Variants in ITGA4 observed in about 807,000 individuals in gnomAD.
ITGA4 encodes integrin subunit alpha 4.
ITGA4 carries 63 observed loss-of-function variants against 133.6 expected under a neutral mutation model. That is an observed-to-expected ratio of 0.47 (90% CI 0.38 to 0.58). The LOEUF (loss-of-function observed/expected upper bound fraction) is 0.58, where lower values mean the gene tolerates loss of function less well. Ranked by LOEUF, ITGA4 falls within the 20% of genes least tolerant of loss-of-function variation. The probability of loss-of-function intolerance (pLI) is 0.00; values close to 1 mark genes in which losing one functional copy is unlikely to be tolerated. For missense variants in ITGA4, 1,076 were observed against 1,252.7 expected (o/e 0.86, Z 2.13); for synonymous variants, 483 against 438.0 (o/e 1.10, Z -1.28).
At position 181,523,491 on chromosome 2, in the gene ITGA4, G is replaced by A; in HGVS notation, c.2128G>A (p.Asp710Asn). 6.2e-7 allele frequency: 1 copy of A among 1,608,988 alleles called. No individual in the cohort carries two copies. The highest frequency in any genetic ancestry group is 8.5e-7 in the Non-Finnish European group (1 of 1,175,648). ...AGATAACTCTGGCGTGGTACAACTT[G>A]ACTGCAGTATTGGCTATATATATGT... The part of the protein sequence containing the change: ...VTDNSGVVQL[D>N]CSIGYIYVDH... Residue 710 changes from aspartate to asparagine, a missense_variant, in exon 19 of 28, where the codon GAC (aspartate) becomes AAC (asparagine). Physicochemically the swap from Asp to Asn is conservative, Grantham distance 23 (BLOSUM62 1). Transcript: ENST00000397033. This position sits in a 1 kb window ranked among gnomAD's most constrained non-coding sequence, Gnocchi z 4.2.
At chr2:181,494,667 C>T (rs999992726) in intron 11 of ITGA4, 55 bp from the exon 12 acceptor site, 67 of 881,848 alleles carry the variant, frequency 7.6e-5, no homozygotes, top group Admixed American at 2.2e-4. Context: ...ATCATTGCTT[C>T]TCTGGTATAT....
At chr2:181,524,520 A>C (rs1686793802) in intron 20 of ITGA4, among the ~76,000 whole-genome samples, 1 of 152,234 alleles carries the variant, frequency 6.6e-6, no homozygotes, top group South Asian at 2.1e-4. Flanking sequence ...AAAACAGAAT[A>C]AACAGTTTAC....
chr2:181,535,560 G>A lies in ITGA4; in HGVS notation c.*33G>A, dbSNP rs1263223255. ...TTTCAAATTGAGAGAATGGAAAACA[G>A]ACTCAGGTTGTAGTAAAGAAATTTA... On this transcript the variant is annotated 3_prime_UTR_variant, in exon 28 of 28. Transcript: ENST00000397033. The A allele has an allele frequency of 3.2e-6, 5 of 1,562,674 alleles. No individual in the cohort carries two copies. Among genetic ancestry groups the A allele is most frequent in the Non-Finnish European group, 4.3e-6 (5 of 1,157,672 alleles).
rs1463037792 is a variant in ITGA4 at position 181,475,059 on chromosome 2, C to T, written c.419C>T (p.Ser140Phe). The part of the protein sequence containing the change: ...TLSRQPGENG[S>F]IVTCGHRWKN... ...TCCAGACAGCCAGGAGAAAATGGAT[C>T]CATCGTGGTAGGTATTGGAACTGGT... The change falls in exon 3 of 28, where the codon TCC becomes TTC. Residue 140 changes from serine to phenylalanine, a missense_variant. Physicochemically the swap from Ser to Phe is radical, Grantham distance 155. Around this residue, in one of 4 missense-constraint regions of ITGA4, gnomAD observed 436 missense variants for 590.7 expected, o/e 0.74. Transcript: ENST00000397033. 2.5e-6 allele frequency: 4 copies of T among 1,613,570 alleles called. No individual in the cohort carries two copies. In the Admixed American group the frequency reaches 6.7e-5, roughly 27 times the overall value.
chr2:181,471,441 T>C (rs1685548463), intron 2 of ITGA4, among the ~76,000 whole-genome samples: 1 of 152,178 alleles, frequency 6.6e-6, no homozygotes, highest in Non-Finnish European at 1.5e-5. Flanking sequence ...AAATACTTAT[T>C]CCTACAAGAT....
intron 23 of ITGA4, among the ~76,000 whole-genome samples, 154 bp downstream of exon 23, chr2:181,529,802 TGA>T (rs1189232848): frequency 6.6e-6 from 1 of 152,236 alleles, no homozygotes; most frequent in Non-Finnish European, 1.5e-5. Context: ...ATGCATTTAT[TGA>T]GTTATGCTTT....
At chr2:181,486,828 G>T (rs1685931043) in intron 10 of ITGA4, among the ~76,000 whole-genome samples, 1 of 152,086 alleles carries the variant, frequency 6.6e-6, no homozygotes, top group South Asian at 2.1e-4. Context: ...CTTATTTTTA[G>T]GGTTCATAAT....
chr2:181,467,852 A>G (rs1006666917), intron 2 of ITGA4, among the ~76,000 whole-genome samples: 2 of 152,064 alleles, frequency 1.3e-5, no homozygotes, highest in East Asian at 3.9e-4. Flanking sequence ...TTCCTTTAAG[A>G]CTCAATTTTC....
At chr2:181,529,486 T>C in intron 22 of ITGA4, 55 bp from the exon 23 acceptor site, 2 of 850,706 alleles carry the variant, frequency 2.4e-6, no homozygotes, top group Non-Finnish European at 4.0e-6. Context: ...CTGATATCTG[T>C]ACTTACATTT....
At chr2:181,460,726 GTTTAC>G (rs1055764311) in intron 2 of ITGA4, among the ~76,000 whole-genome samples, 1 of 152,006 alleles carries the variant, frequency 6.6e-6, no homozygotes, top group Non-Finnish European at 1.5e-5. Flanking sequence ...CTTCTTTATT[GTTTAC>G]TTAAATCTAT....
intron 7 of ITGA4, 100 bp downstream of exon 7, chr2:181,481,783 A>G: frequency 2.2e-6 from 1 of 463,264 alleles, no homozygotes; most frequent in East Asian, 3.6e-5. Flanking sequence ...AAGGAAAGAA[A>G]GATTAGAAAT....
upstream of ITGA4, chr2:181,457,228 A>G: frequency 5.3e-6 from 1 of 187,658 alleles, no homozygotes; most frequent in Non-Finnish European, 1.1e-5. Context: ...GCCCAGAGCC[A>G]TCCCGCGCTC....
At chr2:181,470,765 C>G (rs1685529467) in intron 2 of ITGA4, among the ~76,000 whole-genome samples, 1 of 152,218 alleles carries the variant, frequency 6.6e-6, no homozygotes, top group Non-Finnish European at 1.5e-5. Flanking sequence ...TCCCCAGCTA[C>G]ATAGGAGGCT....
chr2:181,486,079 C>T, intron 10 of ITGA4, 87 bp downstream of exon 10: 1 of 1,477,842 alleles, frequency 6.8e-7, no homozygotes, highest in Non-Finnish European at 8.9e-7. Context: ...GTATTGTTTT[C>T]CTTCCTATAG....
chr2:181,484,947 A>T (rs752289511), intron 9 of ITGA4, among the ~76,000 whole-genome samples: 2 of 152,192 alleles, frequency 1.3e-5, no homozygotes, highest in African/African-American at 4.8e-5. Flanking sequence ...AATAAAGGAC[A>T]TGGCCTTTTT....
At chr2:181,467,093 TTGAA>T (rs1457384994) in intron 2 of ITGA4, among the ~76,000 whole-genome samples, 2 of 152,170 alleles carry the variant, frequency 1.3e-5, no homozygotes, top group African/African-American at 2.4e-5. Context: ...AAAAAATATC[TTGAA>T]TGAATGACTC....
intron 2 of ITGA4, among the ~76,000 whole-genome samples, chr2:181,473,328 G>T (rs1016697190): frequency 1.3e-5 from 2 of 152,226 alleles, no homozygotes; most frequent in African/African-American, 2.4e-5. Context: ...TGGGATCTAG[G>T]TTGTGCTTTC....
chr2:181,474,855 T>G (rs1685637757), intron 2 of ITGA4, 105 bp from the exon 3 acceptor site: 1 of 729,178 alleles, frequency 1.4e-6, no homozygotes, highest in Non-Finnish European at 2.3e-6. Flanking sequence ...GAATATAAGA[T>G]AGAGAAGTAG....
In ITGA4 at chr2:181,522,314, T is replaced by C; in HGVS notation, c.2046T>C (p.Gly682=). 1 of 1,605,794 alleles carries C rather than the reference T, an allele frequency of 6.2e-7. No homozygotes were observed. The highest frequency in any genetic ancestry group is 8.5e-7 in the Non-Finnish European group (1 of 1,175,374). ...CTCTACATGTCAAACTACCCGTGGG[T>C]CTTTATTTCATTAAGATTTTAGAGC... is the stretch of plus-strand genomic sequence containing the variant. The part of the protein sequence containing the change: ...ETTLHVKLPV[G]LYFIKILELE... Residue 682 remains glycine (G), a synonymous_variant, in exon 18 of 28, where the codon GGT becomes GGC. Transcript: ENST00000397033.
Sources: allele counts gnomAD v4.1 joint callset (sites outside exome capture counted in the v4.1 genomes callset), GRCh38; gene constraint gnomAD v4.1.1; regional missense constraint gnomAD v4.1.1; non-coding constraint Gnocchi (gnomAD v3.1); transcripts MANE v1.5; gene names NCBI Gene and HGNC (gene_info 2026-07-23, HGNC 2026-07-21).